Variants in LAMC1 observed in about 807,000 individuals in gnomAD.
LAMC1 encodes the protein laminin subunit gamma-1.
A neutral mutation model predicts 173.6 loss-of-function variants in LAMC1; 38 were observed. The observed-to-expected ratio is 0.22, with a 90% CI of 0.17 to 0.29. LAMC1 has a LOEUF of 0.29. LAMC1 is among the 10% of genes least tolerant of loss of function. LAMC1 has a pLI of 1.00. For synonymous variants in LAMC1, 746 were observed against 749.1 expected, an observed-to-expected ratio of 1.00 and a Z score of 0.07; for missense variants, 1,824 against 2,051.8, an observed-to-expected ratio of 0.89 and a Z score of 2.14.
chr1:183,080,511 C>T (rs376548884), intron 1 of LAMC1, among the ~76,000 whole-genome samples: 1 of 152,286 alleles, frequency 6.6e-6, no homozygotes, highest in South Asian at 2.1e-4. Context: ...CTTTTGTCAC[C>T]TCCCTTTCTC....
In LAMC1 at chr1:183,131,428, G is replaced by GGT. The variant is rs55951405; in HGVS notation, c.3566+81_3566+82dup. 144,192 of 945,200 alleles carry GGT rather than the reference G, an allele frequency of 0.15. 5,983 individuals are homozygous for GGT. The highest frequency in any genetic ancestry group is 0.37 in the African/African-American group (20,978 of 57,108). 58.6% of individuals were successfully genotyped at this position (945,200 alleles called of 1,614,324 possible). ...GGTTAAGTTGTGGCTTCTGTTATGG[G>GGT]GTGTGTGTGTGTGTGTGTGTGTGTG... On this transcript the variant is annotated intron_variant, in intron 20 of 27. Coordinates refer to ENST00000258341, the MANE Select transcript of LAMC1 (RefSeq NM_002293.4).
intron 1 of LAMC1, among the ~76,000 whole-genome samples, chr1:183,033,160 G>C (rs1287757392): frequency 6.6e-6 from 1 of 152,162 alleles, no homozygotes; most frequent in African/African-American, 2.4e-5. Flanking sequence ...ATTTCTCTTA[G>C]TGTCTTTCTC....
intron 1 of LAMC1, among the ~76,000 whole-genome samples, chr1:183,094,706 T>C (rs988669274): frequency 6.6e-6 from 1 of 152,228 alleles, no homozygotes; most frequent in Non-Finnish European, 1.5e-5. Context: ...AGATATCTTA[T>C]GGTATTTGTA....
In LAMC1 at chr1:183,122,360, G is replaced by GAAAAAA; in HGVS notation, c.2401+109_2401+110insAAAAAA. 3.9e-6 allele frequency: 4 copies of GAAAAAA among 1,037,046 alleles called. No homozygotes were observed. In the East Asian group the frequency reaches 9.5e-5, roughly 25 times the overall value. 64.2% of individuals were successfully genotyped at this position (1,037,046 alleles called of 1,614,324 possible). ...CTTTGTGTTTGGTTCAGTTTCAGTG[G>GAAAAAA]TTATGGTTTTCCTAATAGGAAGCTG... On this transcript the variant is annotated intron_variant, in intron 13 of 27. Transcript: ENST00000258341.
intron 1 of LAMC1, among the ~76,000 whole-genome samples, chr1:183,074,654 T>G (rs1655084393): frequency 1.3e-5 from 2 of 152,208 alleles, no homozygotes; most frequent in African/African-American, 2.4e-5. Context: ...GAGCTAGACC[T>G]TTTCTCTTTA....
intron 3 of LAMC1, among the ~76,000 whole-genome samples, chr1:183,109,776 G>A (rs1220337962): frequency 6.6e-6 from 1 of 152,156 alleles, no homozygotes; most frequent in African/African-American, 2.4e-5. Context: ...ACTCCATGGT[G>A]TACATTAGTA....
At chr1:183,032,580 C>T (rs981424529) in intron 1 of LAMC1, among the ~76,000 whole-genome samples, 20 of 151,948 alleles carry the variant, frequency 1.3e-4, no homozygotes, top group African/African-American at 4.4e-4. Context: ...GGAAGTGCAG[C>T]GGTGCAGTCA....
Position 183,135,079 on chromosome 1 carries a change from A to G in LAMC1, c.4037A>G (p.Lys1346Arg), listed in dbSNP as rs1571465440. The G allele has an allele frequency of 2.5e-6, 4 of 1,614,054 alleles. No homozygotes were observed. Among genetic ancestry groups the G allele is most frequent in the Non-Finnish European group, 3.4e-6 (4 of 1,180,030 alleles). ...DQLLARADAA[K>R]ALAEEAAKKG... ...CTCCTAGCCCGAGCTGATGCTGCCAAGGCCCTCGCTGAAGAAGCTGCAAAG... is the reference window on the plus strand; with the variant it reads ...CTCCTAGCCCGAGCTGATGCTGCCAGGGCCCTCGCTGAAGAAGCTGCAAAG... Residue 1346 changes from lysine to arginine, a missense_variant, in exon 24 of 28, where the codon AAG becomes AGG. Lys to Arg is a conservative substitution (Grantham distance 26). Transcript: ENST00000258341.
At chr1:183,088,397 C>G (rs573833634) in intron 1 of LAMC1, among the ~76,000 whole-genome samples, 1 of 152,236 alleles carries the variant, frequency 6.6e-6, no homozygotes, top group South Asian at 2.1e-4. Context: ...GTCATAAAAT[C>G]AATTTAGTGA....
intron 11 of LAMC1, among the ~76,000 whole-genome samples, chr1:183,121,339 T>C: frequency 6.6e-6 from 1 of 152,046 alleles, no homozygotes; most frequent in East Asian, 1.9e-4. Context: ...GACAGGAGAA[T>C]TGCTTGAACC....
Position 183,118,073 on chromosome 1 carries a change from T to TA in LAMC1, c.1918dup (p.Thr640AsnfsTer4). The TA allele has an allele frequency of 6.2e-7, 1 of 1,613,848 alleles. No homozygotes were observed. Among genetic ancestry groups the TA allele is most frequent in the Non-Finnish European group, 8.5e-7 (1 of 1,179,716 alleles). On this transcript the variant is annotated frameshift_variant, in exon 11 of 28. Transcript: ENST00000258341. LOFTEE classifies it high-confidence loss of function. ...CAGATTACCCTTGGAGGCCTGCTCT[T>TA]ACCCCTTTTGAATTTCAGAAGCTCC...
chr1:183,038,888 A>T (rs1292769493), intron 1 of LAMC1, among the ~76,000 whole-genome samples: 5 of 152,158 alleles, frequency 3.3e-5, no homozygotes, highest in Admixed American at 3.3e-4. Flanking sequence ...GGCTAACTAG[A>T]ATAATAAAAT....
intron 1 of LAMC1, among the ~76,000 whole-genome samples, chr1:183,086,059 T>A (rs1488784940): frequency 6.6e-6 from 1 of 152,206 alleles, no homozygotes; most frequent in Non-Finnish European, 1.5e-5. Flanking sequence ...CAGGAATGCC[T>A]ATATCCATAA....
Position 183,114,718 on chromosome 1 carries a change from G to T in LAMC1, c.1209G>T (p.Val403=). The T allele has an allele frequency of 6.2e-7, 1 of 1,612,546 alleles. No individual in the cohort carries two copies. The highest frequency in any genetic ancestry group is 8.5e-7 in the Non-Finnish European group (1 of 1,178,852). ...EACSSCHCSP[V]GSLSTQCDSY... ...GCTCTTCATGCCACTGTAGTCCTGT[G>T]GGTAAGTGACAGGAAGATGGATTGA... Residue 403 remains valine (V), a splice_region_variant and synonymous_variant, in exon 5 of 28, where the codon GTG becomes GTT. Transcript: ENST00000258341.
chr1:183,036,922 CCCA>C (rs1032787200), intron 1 of LAMC1, among the ~76,000 whole-genome samples: 1 of 152,014 alleles, frequency 6.6e-6, no homozygotes, highest in African/African-American at 2.4e-5. Context: ...ATTACAGGCA[CCCA>C]CCACCACGCC....
intron 1 of LAMC1, among the ~76,000 whole-genome samples, chr1:183,077,507 G>A (rs1445702716): frequency 6.6e-6 from 1 of 151,866 alleles, no homozygotes; most frequent in East Asian, 1.9e-4. Flanking sequence ...TGGTGCACGC[G>A]AGCACTATAC....
intron 1 of LAMC1, among the ~76,000 whole-genome samples, chr1:183,095,659 A>C (rs1016965351): frequency 2.6e-5 from 4 of 152,086 alleles, no homozygotes; most frequent in Non-Finnish European, 5.9e-5. Context: ...AGTGGGGGTG[A>C]ATATTGGCCT....
intron 1 of LAMC1, among the ~76,000 whole-genome samples, chr1:183,035,394 C>G (rs1653954084): frequency 6.6e-6 from 1 of 152,090 alleles, no homozygotes; most frequent in Admixed American, 6.5e-5. Flanking sequence ...TCTGTGTTGT[C>G]CAGACTGGAC....
Position 183,128,677 on chromosome 1 carries a change from A to G in LAMC1, c.3207A>G (p.Gln1069=), listed in dbSNP as rs1171743828. ...LGTGDEMVTD[Q]AFEDRLKEAE... ...CTGGGGATGAGATGGTGACAGATCA[A>G]GCCTTCGAGGATAGACTAAAGGAAG... The change falls in exon 18 of 28, where the codon CAA becomes CAG. Residue 1069 remains glutamine, a synonymous_variant. Coordinates refer to ENST00000258341, the MANE Select transcript of LAMC1 (RefSeq NM_002293.4). The G allele has an allele frequency of 1.9e-6, 3 of 1,613,854 alleles. No homozygotes were observed. The highest frequency in any genetic ancestry group is 2.5e-6 in the Non-Finnish European group (3 of 1,179,806).
Sources: gnomAD v4.1 joint callset for allele counts (sites outside exome capture counted in the v4.1 genomes callset) on GRCh38, gnomAD v4.1.1 for gene constraint, MANE v1.5 for transcripts, NCBI Gene and HGNC (gene_info 2026-07-23, HGNC 2026-07-21) for gene names.